Variants in HDAC8 observed in about 807,000 individuals in gnomAD.
HDAC8 encodes histone deacetylase 8, also known as histone deacetylase-like 1.
Under a neutral mutation model 32.2 loss-of-function variants are expected in HDAC8, and 1 was observed. That is an observed-to-expected ratio of 0.03 (90% CI 0.01 to 0.15). The LOEUF (loss-of-function observed/expected upper bound fraction) is 0.15, where lower values mean the gene tolerates loss of function less well. Among genes scored for constraint, HDAC8 ranks in the 10% least tolerant of loss-of-function variants. The pLI, the probability that HDAC8 is intolerant of heterozygous loss-of-function variation, is 1.00. For missense variants in HDAC8, 117 were observed against 300.0 expected, an observed-to-expected ratio of 0.39 and a Z score of 4.51; for synonymous variants, 108 against 113.9, an observed-to-expected ratio of 0.95 and a Z score of 0.33.
At chrX:72,483,135 G>A (rs901507823) in intron 7 of HDAC8, among the ~76,000 whole-genome samples, 1 of 111,996 alleles carries the variant, frequency 8.9e-6, no homozygotes, top group African/African-American at 3.2e-5. Context: ...GTTAAGCACA[G>A]CATCAGGCAA....
At chrX:72,419,648 T>C (rs1408881092) in intron 9 of HDAC8, among the ~76,000 whole-genome samples, 4 of 111,809 alleles carry the variant, frequency 3.6e-5, no homozygotes, top group African/African-American at 1.3e-4. Flanking sequence ...CAGTACAACA[T>C]AGAATAGCAG....
intron 9 of HDAC8, among the ~76,000 whole-genome samples, chrX:72,428,335 G>T (rs1314636469): frequency 8.9e-6 from 1 of 112,124 alleles, no homozygotes; most frequent in Non-Finnish European, 1.9e-5. Context: ...CTCGTGATCC[G>T]CCTGCCTCGG....
intron 4 of HDAC8, among the ~76,000 whole-genome samples, chrX:72,559,866 C>T (rs192878704): frequency 0.014 from 1,470 of 108,444 alleles, 13 homozygotes; most frequent in Non-Finnish European, 0.021. Flanking sequence ...GGAGCGTCTC[C>T]GCCTGGCAGC....
At chrX:72,332,777 T>A (rs1210537387) in intron 10 of HDAC8, among the ~76,000 whole-genome samples, 2 of 110,599 alleles carry the variant, frequency 1.8e-5, no homozygotes, top group East Asian at 5.7e-4. Context: ...TCAGCCTCCC[T>A]AGTAGCTGGG....
intron 6 of HDAC8, among the ~76,000 whole-genome samples, chrX:72,489,750 A>G (rs1556008135): frequency 9.0e-6 from 1 of 111,243 alleles, no homozygotes; most frequent in African/African-American, 3.3e-5. Flanking sequence ...AAATTGACAA[A>G]TGGGATCTAA....
intron 4 of HDAC8, among the ~76,000 whole-genome samples, chrX:72,500,664 A>G (rs1283223066): frequency 8.9e-6 from 1 of 112,132 alleles, no homozygotes; most frequent in Non-Finnish European, 1.9e-5. Flanking sequence ...CATAGCCAAC[A>G]TCATACTGAA....
At chrX:72,502,898 C>T (rs1477468240) in intron 4 of HDAC8, among the ~76,000 whole-genome samples, 1 of 110,763 alleles carries the variant, frequency 9.0e-6, no homozygotes, top group African/African-American at 3.3e-5. Context: ...TGCACTCCAG[C>T]CTGGGTGACA....
intron 4 of HDAC8, among the ~76,000 whole-genome samples, chrX:72,556,669 T>C (rs1787595952): frequency 8.9e-6 from 1 of 112,081 alleles, no homozygotes; most frequent in Non-Finnish European, 1.9e-5. Flanking sequence ...GGACATTATA[T>C]AATGATAAAA....
At chrX:72,436,019 C>G (rs1555979086) in intron 9 of HDAC8, among the ~76,000 whole-genome samples, 1 of 108,857 alleles carries the variant, frequency 9.2e-6, no homozygotes, top group African/African-American at 3.4e-5. Flanking sequence ...AGCAATCACC[C>G]AATCTAGACA....
intron 9 of HDAC8, among the ~76,000 whole-genome samples, chrX:72,408,665 C>T (rs1324774328): frequency 8.9e-6 from 1 of 112,038 alleles, no homozygotes; most frequent in Non-Finnish European, 1.9e-5. Flanking sequence ...CTTGGCCTCC[C>T]AAAGTGCTGA....
chrX:72,519,683 G>A (rs782210490), intron 4 of HDAC8, among the ~76,000 whole-genome samples: 6 of 111,316 alleles, frequency 5.4e-5, no homozygotes, highest in South Asian at 7.7e-4. Context: ...TCAACCTCCC[G>A]GGCTCAAGTG....
intron 9 of HDAC8, among the ~76,000 whole-genome samples, chrX:72,440,779 T>G (rs1555981396): frequency 1.8e-5 from 2 of 111,752 alleles, no homozygotes; most frequent in African/African-American, 3.3e-5. Context: ...CCTTTCCTAC[T>G]CAAAGAAAGG....
intron 10 of HDAC8, among the ~76,000 whole-genome samples, chrX:72,347,931 T>G (rs1439905645): frequency 8.9e-6 from 1 of 111,836 alleles, no homozygotes; most frequent in African/African-American, 3.2e-5. Context: ...GAATGGACTC[T>G]CCATGGTTTT....
chrX:72,379,804 T>A (rs943256729), intron 9 of HDAC8, among the ~76,000 whole-genome samples: 5 of 111,172 alleles, frequency 4.5e-5, no homozygotes, highest in African/African-American at 6.5e-5. Context: ...ACCTGGCCTG[T>A]TTAGTGGCTT....
At chrX:72,517,580 T>C (rs1236187638) in intron 4 of HDAC8, among the ~76,000 whole-genome samples, 2 of 112,172 alleles carry the variant, frequency 1.8e-5, no homozygotes, top group East Asian at 5.6e-4. Context: ...TTTTGGCCTA[T>C]GATCCATTTG....
chrX:72,384,499 G>A (rs925418908), intron 9 of HDAC8, among the ~76,000 whole-genome samples: 1 of 111,243 alleles, frequency 9.0e-6, no homozygotes, highest in Admixed American at 9.6e-5. Flanking sequence ...GCATTGGGGT[G>A]GGGGGTACAA....
chrX:72,334,367 C>T (rs1357381466), intron 10 of HDAC8, among the ~76,000 whole-genome samples: 1 of 111,956 alleles, frequency 8.9e-6, no homozygotes, highest in Non-Finnish European at 1.9e-5. Context: ...AAATATTTCC[C>T]TTTTTTCTTA....
chrX:72,511,542 G>A (rs1389312618), intron 4 of HDAC8, among the ~76,000 whole-genome samples: 1 of 111,700 alleles, frequency 9.0e-6, no homozygotes, highest in African/African-American at 3.3e-5. Flanking sequence ...TTATGTGCTT[G>A]CATCCCCAAA....
At chrX:72,557,489 A>G (rs2051321955) in intron 4 of HDAC8, among the ~76,000 whole-genome samples, 1 of 112,088 alleles carries the variant, frequency 8.9e-6, no homozygotes, top group South Asian at 3.7e-4. Flanking sequence ...GTCAACAATG[A>G]AATCAAGACA....
Sources: gnomAD v4.1 joint callset for allele counts (sites outside exome capture counted in the v4.1 genomes callset) on GRCh38, gnomAD v4.1.1 for gene constraint, MANE v1.5 for transcripts, NCBI Gene and HGNC (gene_info 2026-07-23, HGNC 2026-07-21) for gene names.